The following PAX7 variants were observed in gnomAD, a reference collection of about 807,000 sequenced individuals.
The protein encoded by PAX7 is paired box protein Pax-7.
In PAX7, 18 loss-of-function variants were observed where a neutral mutation model predicts 50.7. That is an observed-to-expected ratio of 0.36 (90% CI 0.25 to 0.53). The LOEUF (loss-of-function observed/expected upper bound fraction) is 0.53, where lower values mean the gene tolerates loss of function less well. Ranked by LOEUF, PAX7 falls within the 20% of genes least tolerant of loss-of-function variation. The probability of loss-of-function intolerance (pLI) is 0.93; values close to 1 mark genes in which losing one functional copy is unlikely to be tolerated. For missense variants in PAX7, 644 were observed against 702.9 expected (o/e 0.92, Z 0.95); for synonymous variants, 310 against 290.4 (o/e 1.07, Z -0.69).
intron 4 of PAX7, among the ~76,000 whole-genome samples, chr1:18,678,238 C>T (rs971026282): frequency 2.6e-5 from 4 of 152,028 alleles, no homozygotes; most frequent in African/African-American, 9.7e-5. Flanking sequence ...ATGGAGAAAC[C>T]CTGTTTCTAC....
chr1:18,692,419 G>A (rs1227017169), intron 5 of PAX7, among the ~76,000 whole-genome samples: 3 of 152,178 alleles, frequency 2.0e-5, no homozygotes, highest in East Asian at 1.9e-4. Flanking sequence ...ACGGGCACCC[G>A]TAATCCCAGC....
At chr1:18,642,074 T>C (rs1367676772) in intron 4 of PAX7, among the ~76,000 whole-genome samples, 1 of 150,036 alleles carries the variant, frequency 6.7e-6, no homozygotes, top group Non-Finnish European at 1.5e-5. Context: ...AGGTGATTAT[T>C]TGGGCTTTTT....
intron 4 of PAX7, among the ~76,000 whole-genome samples, chr1:18,686,497 C>G (rs1181760775): frequency 1.3e-5 from 2 of 152,194 alleles, no homozygotes. Flanking sequence ...CCCATGTTCA[C>G]TCCCCCCACG....
chr1:18,684,120 G>T (rs2088939362), intron 4 of PAX7, among the ~76,000 whole-genome samples: 2 of 152,202 alleles, frequency 1.3e-5, no homozygotes, highest in African/African-American at 4.8e-5. Flanking sequence ...ACAGGGCATG[G>T]GCAGAGGGCA....
At chr1:18,669,099 G>C (rs1046044963) in intron 4 of PAX7, among the ~76,000 whole-genome samples, 6 of 152,196 alleles carry the variant, frequency 3.9e-5, no homozygotes, top group Non-Finnish European at 7.4e-5. Flanking sequence ...GGGAGGGATC[G>C]GGGGCCAAGG....
intron 4 of PAX7, among the ~76,000 whole-genome samples, chr1:18,666,851 C>A (rs2088676453): frequency 6.6e-6 from 1 of 152,172 alleles, no homozygotes; most frequent in South Asian, 2.1e-4. Context: ...AAACTTTTGG[C>A]AAGTTCAGAG....
intron 4 of PAX7, among the ~76,000 whole-genome samples, chr1:18,643,599 C>T (rs560985846): frequency 2.6e-5 from 4 of 152,174 alleles, no homozygotes; most frequent in African/African-American, 4.8e-5. Context: ...GACCTAGAGA[C>T]AGCCCGCGGG....
chr1:18,733,356 T>C (rs1028809597), intron 7 of PAX7, among the ~76,000 whole-genome samples: 4 of 151,984 alleles, frequency 2.6e-5, no homozygotes, highest in Non-Finnish European at 5.9e-5. Flanking sequence ...AGTGCTAGTG[T>C]CCAAAGGACT....
Position 18,746,225 on chromosome 1 carries a change from A to C in PAX7, c.*1296A>C. ...AGTGGCATCTTTCAATGTTGCCTCC[A>C]TCTTGGCCAAGAGGTCCCTGCCTCC... On this transcript the variant is annotated 3_prime_UTR_variant, in exon 9 of 9. Coordinates refer to ENST00000420770, the MANE Select transcript of PAX7 (RefSeq NM_001135254.2). The C allele has an allele frequency of 4.3e-6, 1 of 231,068 alleles. No individual in the cohort carries two copies. The highest frequency in any genetic ancestry group is 8.6e-6 in the Non-Finnish European group (1 of 116,624). 14.3% of individuals were successfully genotyped at this position (231,068 alleles called of 1,614,324 possible). A position where few individuals can be genotyped will look rare whatever the true frequency, so the allele number is the denominator to read the frequency against.
chr1:18,719,399 G>A (rs1168605768), intron 7 of PAX7, among the ~76,000 whole-genome samples: 1 of 152,210 alleles, frequency 6.6e-6, no homozygotes, highest in African/African-American at 2.4e-5. Context: ...CTGCGTGAGG[G>A]CTGGGGCTTT....
intron 6 of PAX7, among the ~76,000 whole-genome samples, chr1:18,702,890 G>A (rs762396336): frequency 1.3e-5 from 2 of 152,130 alleles, no homozygotes; most frequent in Non-Finnish European, 2.9e-5. Context: ...CTAGAATGTT[G>A]GGTTGTCAGT....
rs769536224 is a variant in PAX7 at position 18,735,752 on chromosome 1, C to T, written c.1276C>T (p.Arg426Trp). 1.1e-5 allele frequency: 17 copies of T among 1,613,912 alleles called. No individual in the cohort carries two copies. The highest frequency in any genetic ancestry group is 1.4e-5 in the Non-Finnish European group (16 of 1,179,984). ...ATSISASCSQRADSIKPGDSL... is the reference protein window; with the variant it reads ...ATSISASCSQWADSIKPGDSL... Reference sequence around the variant, plus strand: ...CTCCATCTCAGCCAGCTGCAGCCAGCGGGCCGACTCCATCAAGCCAGGAGA... The same window carrying T: ...CTCCATCTCAGCCAGCTGCAGCCAGTGGGCCGACTCCATCAAGCCAGGAGA... Residue 426 changes from arginine (R) to tryptophan (W), a missense_variant, in exon 8 of 9, where the codon CGG becomes TGG. Coordinates refer to ENST00000420770, the MANE Select transcript of PAX7 (RefSeq NM_001135254.2). The surrounding 1 kb of genome is among the most constrained non-coding windows in gnomAD (Gnocchi z 4.0).
intron 4 of PAX7, among the ~76,000 whole-genome samples, chr1:18,653,806 CT>C (rs1327528794): frequency 6.6e-6 from 1 of 152,018 alleles, no homozygotes; most frequent in African/African-American, 2.4e-5. Flanking sequence ...CCAGGGCTGC[CT>C]TCAGAGTCCA....
At chr1:18,708,614 C>T (rs527349875) in intron 7 of PAX7, among the ~76,000 whole-genome samples, 24 of 152,010 alleles carry the variant, frequency 1.6e-4, no homozygotes, top group African/African-American at 5.3e-4. Context: ...CCTTTTGTAA[C>T]GCAAATGACT....
intron 7 of PAX7, among the ~76,000 whole-genome samples, chr1:18,713,136 A>G (rs1264190124): frequency 6.6e-6 from 1 of 152,122 alleles, no homozygotes; most frequent in Non-Finnish European, 1.5e-5. Flanking sequence ...CCAGCAAAAC[A>G]TCTTCCATCC....
chr1:18,640,949 C>T (rs879765245), intron 4 of PAX7, among the ~76,000 whole-genome samples: 2 of 152,160 alleles, frequency 1.3e-5, no homozygotes, highest in Non-Finnish European at 2.9e-5. Flanking sequence ...CGAGCCCACA[C>T]TGGGCTGACA....
At chr1:18,656,524 AG>A (rs2088525067) in intron 4 of PAX7, among the ~76,000 whole-genome samples, 1 of 151,924 alleles carries the variant, frequency 6.6e-6, no homozygotes, top group South Asian at 2.1e-4. Context: ...AAAATGTAAC[AG>A]GCGGCTTCAT....
chr1:18,692,857 A>G (rs12741080), intron 5 of PAX7, among the ~76,000 whole-genome samples: 31,476 of 152,084 alleles, frequency 0.21, 3,324 homozygotes, highest in East Asian at 0.34. Context: ...AGAGCCTCCC[A>G]ATGGCTCGAG....
chr1:18,690,425 C>T (rs2089050622), intron 4 of PAX7, among the ~76,000 whole-genome samples: 1 of 152,212 alleles, frequency 6.6e-6, no homozygotes, highest in African/African-American at 2.4e-5. Context: ...CTTCAGCGCC[C>T]CGGCTGGGAG....
Sources: allele counts gnomAD v4.1 joint callset (sites outside exome capture counted in the v4.1 genomes callset), GRCh38; gene constraint gnomAD v4.1.1; non-coding constraint Gnocchi (gnomAD v3.1); transcripts MANE v1.5; gene names NCBI Gene and HGNC (gene_info 2026-07-23, HGNC 2026-07-21).